The following TJP2 variants were observed in gnomAD, a reference collection of about 807,000 sequenced individuals.
TJP2 encodes Friedreich ataxia region gene X104 (tight junction protein ZO-2).
Under a neutral mutation model 133.1 loss-of-function variants are expected in TJP2, and 91 were observed. The observed-to-expected ratio is 0.68, with a 90% confidence interval of 0.58 to 0.81. The LOEUF (loss-of-function observed/expected upper bound fraction) is 0.81, where lower values mean the gene tolerates loss of function less well. Ranked by LOEUF, TJP2 falls within the 40% of genes least tolerant of loss-of-function variation. TJP2 has a pLI of 0.00. For missense variants in TJP2, 1,541 were observed against 1,565.6 expected (o/e 0.98, Z 0.26); for synonymous variants, 592 against 583.4 (o/e 1.01, Z -0.21).
intron 13 of TJP2, 97 bp downstream of exon 13, chr9:69,236,335 G>C (rs1367862380): frequency 3.3e-6 from 4 of 1,211,740 alleles, no homozygotes; most frequent in Non-Finnish European, 4.8e-6. Flanking sequence ...AACCCCACAT[G>C]ATGAGTTCAT....
In TJP2 at chr9:69,123,194, T is replaced by C. The variant is rs920809804; in HGVS notation, c.-131+1469T>C. Among the ~76,000 whole-genome samples, 3 of 151,978 alleles carry C rather than the reference T, an allele frequency of 2.0e-5. 1 individual carries two copies. The highest frequency in any genetic ancestry group is 7.3e-5 in the African/African-American group (3 of 41,372). ...CGGTTATGTATTTGAATCTTTGTTT[T>C]GCCCACCAGGACACTCTACAGCCGC... is the stretch of plus-strand genomic sequence containing the variant. On this transcript the variant is annotated intron_variant, in intron 1 of 5. Transcript: ENST00000423935.
intron 2 of TJP2, among the ~76,000 whole-genome samples, chr9:69,153,445 G>A (rs1403591401): frequency 1.3e-5 from 2 of 152,098 alleles, no homozygotes; most frequent in African/African-American, 2.4e-5. Context: ...TTAGCCAGGC[G>A]TGGTGGTGCC....
In TJP2 at chr9:69,229,045, G is replaced by A. The variant is rs1563936102; in HGVS notation, c.1454-139G>A. Reference sequence around the variant, plus strand: ...CCTGCTAATACTTCAGAGTTAAACGGCACTTTAGAGACTTCTTTTTGTTTG... The same window carrying A: ...CCTGCTAATACTTCAGAGTTAAACGACACTTTAGAGACTTCTTTTTGTTTG... On this transcript the variant is annotated intron_variant, in intron 9 of 22. Transcript: ENST00000377245. The A allele has an allele frequency of 4.3e-5, 34 of 793,240 alleles. No individual in the cohort carries two copies. In the East Asian group the frequency reaches 8.5e-4, roughly 20 times the overall value. The allele number at this position is 793,240 out of a possible 1,614,324, so 49.1% of individuals were successfully genotyped here.
chr9:69,163,754 G>A (rs1374672469), intron 2 of TJP2, among the ~76,000 whole-genome samples: 1 of 152,120 alleles, frequency 6.6e-6, no homozygotes, highest in Non-Finnish European at 1.5e-5. Context: ...GATTACAGGC[G>A]TGCGTGAGCT....
At chr9:69,210,114 G>A (rs1017968401) in intron 1 of TJP2, among the ~76,000 whole-genome samples, 8 of 151,384 alleles carry the variant, frequency 5.3e-5, no homozygotes, top group Non-Finnish European at 8.8e-5. Context: ...TGGTGAAACC[G>A]TGTCTCTACC....
At position 69,235,941 on chromosome 9, in the gene TJP2, G is replaced by A. The variant is rs1274699320; in HGVS notation, c.1781-87G>A. ...CTGAATGGAAGGAAGGTAAAGGGGA[G>A]ATCAGAGATAGGAGAAGCTGTGTTG... is the stretch of plus-strand genomic sequence containing the variant. On this transcript the variant is annotated intron_variant, in intron 12 of 22. Coordinates refer to ENST00000377245, the MANE Select transcript of TJP2 (RefSeq NM_004817.4). 7.9e-6 allele frequency: 10 copies of A among 1,258,858 alleles called. No homozygotes were observed. In the East Asian group the frequency reaches 2.1e-4, roughly 27 times the overall value. 78.0% of individuals were successfully genotyped at this position (1,258,858 alleles called of 1,614,324 possible).
chr9:69,145,848 C>A, intron 1 of TJP2: 1 of 1,208,134 alleles, frequency 8.3e-7, no homozygotes, highest in Non-Finnish European at 1.0e-6. Context: ...AAGCTTCTCA[C>A]TATAGATGTA....
chr9:69,214,092 A>G (rs892881360), intron 2 of TJP2, among the ~76,000 whole-genome samples: 4 of 152,046 alleles, frequency 2.6e-5, no homozygotes, highest in Admixed American at 6.6e-5. Context: ...TTAGATACAT[A>G]TATATATTTT....
chr9:69,254,490 C>A lies in TJP2; in HGVS notation c.*116C>A. The A allele has an allele frequency of 1.5e-6, 2 of 1,351,298 alleles. No homozygotes were observed. The highest frequency in any genetic ancestry group is 2.1e-6 in the Non-Finnish European group (2 of 965,398). 83.7% of individuals were successfully genotyped at this position (1,351,298 alleles called of 1,614,324 possible). A position where few individuals can be genotyped will look rare whatever the true frequency, so the allele number is the denominator to read the frequency against. On this transcript the variant is annotated 3_prime_UTR_variant, in exon 23 of 23. Transcript: ENST00000377245. ...AATGCACCATGGAGACGTGGTGGGA[C>A]TCCAGCTCGTGTGTCCTCATGGAGA...
At chr9:69,170,365 T>G (rs1824614059), upstream of TJP2, among the ~76,000 whole-genome samples, 1 of 152,232 alleles carries the variant, frequency 6.6e-6, no homozygotes, top group East Asian at 1.9e-4. Flanking sequence ...TGTTTTTTTG[T>G]TGATAATTAT....
intron 1 of TJP2, among the ~76,000 whole-genome samples, chr9:69,187,838 G>C (rs1825958085): frequency 6.6e-6 from 1 of 152,152 alleles, no homozygotes; most frequent in Non-Finnish European, 1.5e-5. Context: ...AGGAAGAGAA[G>C]GGAGAAGGTG....
chr9:69,249,080 T>C (rs1831140936), intron 19 of TJP2: 1 of 1,128,970 alleles, frequency 8.9e-7, no homozygotes, highest in African/African-American at 1.6e-5. Context: ...AAAGAATAAA[T>C]TAACTTCCAA....
intron 1 of TJP2, among the ~76,000 whole-genome samples, chr9:69,182,528 G>C (rs11145582): frequency 0.19 from 28,277 of 152,076 alleles, 2,725 homozygotes; most frequent in Middle Eastern, 0.24. Flanking sequence ...TAAGTGCACA[G>C]TTTGGCAGAT....
intron 1 of TJP2, among the ~76,000 whole-genome samples, chr9:69,210,285 T>TAC: frequency 5.8e-5 from 1 of 17,198 alleles, no homozygotes; most frequent in Non-Finnish European, 1.2e-4. Flanking sequence ...TGAGACCCCG[T>TAC]CCCCCCCCCC....
intron 1 of TJP2, among the ~76,000 whole-genome samples, chr9:69,210,299 CA>C (rs3067182): frequency 0.018 from 524 of 28,534 alleles, 9 homozygotes; most frequent in East Asian, 0.14. Context: ...CCCCCCCCCC[CA>C]AAAAAAAAAA....
Position 69,229,941 on chromosome 9 carries a change from A to T in TJP2, c.1521-141A>T, listed in dbSNP as rs926505599. 2.1e-5 allele frequency: 22 copies of T among 1,053,454 alleles called. No homozygotes were observed. The South Asian group carries it at 2.2e-4, about 10-fold the overall frequency. 65.3% of individuals were successfully genotyped at this position (1,053,454 alleles called of 1,614,324 possible). On this transcript the variant is annotated intron_variant, in intron 10 of 22. Transcript: ENST00000377245. ...AAGATAAAATTGTAGGATATATGAG[A>T]TAGATGAGAAAAATGAGAGGGCTTT...
intron 2 of TJP2, among the ~76,000 whole-genome samples, chr9:69,161,449 G>A (rs868303294): frequency 1.3e-5 from 2 of 151,982 alleles, no homozygotes; most frequent in Admixed American, 1.3e-4. Context: ...GGCAGGTCTC[G>A]AACTCCTGAC....
At chr9:69,207,858 C>T (rs1200096718) in intron 1 of TJP2, among the ~76,000 whole-genome samples, 3 of 152,170 alleles carry the variant, frequency 2.0e-5, no homozygotes, top group Non-Finnish European at 4.4e-5. Context: ...AGCTGATGTT[C>T]TGAGGAATAA....
intron 1 of TJP2, among the ~76,000 whole-genome samples, chr9:69,139,164 C>T (rs898906532): frequency 2.6e-5 from 4 of 152,136 alleles, no homozygotes; most frequent in Non-Finnish European, 4.4e-5. Flanking sequence ...TTGCAGTGAG[C>T]TGAGATTGAG....
Sources: gnomAD v4.1 joint callset for allele counts (sites outside exome capture counted in the v4.1 genomes callset) on GRCh38, gnomAD v4.1.1 for gene constraint, MANE v1.5 for transcripts, NCBI Gene and HGNC (gene_info 2026-07-23, HGNC 2026-07-21) for gene names.